Variants in IBTK observed in about 807,000 individuals in gnomAD.
The protein encoded by IBTK is BTK-binding protein.
IBTK carries 83 observed loss-of-function variants against 154.9 expected under a neutral mutation model. That is an observed-to-expected ratio of 0.54 (90% CI 0.45 to 0.64). IBTK has a LOEUF of 0.64. Among genes scored for constraint, IBTK ranks in the 30% least tolerant of loss-of-function variants. IBTK has a pLI of 0.00. For missense variants in IBTK, 1,332 were observed against 1,584.6 expected (o/e 0.84, Z 2.71); for synonymous variants, 515 against 536.1 (o/e 0.96, Z 0.54).
At chr6:82,226,251 T>TA (rs5877793) in intron 5 of IBTK, among the ~76,000 whole-genome samples, 36,233 of 152,094 alleles carry the variant, frequency 0.24, 4,376 homozygotes, top group African/African-American at 0.28. Flanking sequence ...CTTAAGGTAA[T>TA]ATTATATATG....
intron 23 of IBTK, among the ~76,000 whole-genome samples, chr6:82,192,406 C>T (rs1363572902): frequency 6.6e-6 from 1 of 152,024 alleles, no homozygotes. Context: ...TGGAGACCCA[C>T]CAGAGGAAGT....
At chr6:82,196,577 T>C (rs1347254162) in intron 21 of IBTK, 131 bp from the exon 22 acceptor site, 3 of 463,416 alleles carry the variant, frequency 6.5e-6, no homozygotes, top group African/African-American at 4.0e-5. Flanking sequence ...ATTTATGGTA[T>C]AAAAATCTTA....
intron 26 of IBTK, among the ~76,000 whole-genome samples, chr6:82,176,151 A>C (rs1236986898): frequency 6.6e-6 from 1 of 152,218 alleles, no homozygotes; most frequent in Non-Finnish European, 1.5e-5. Flanking sequence ...GCTTAATTAG[A>C]AAGATTTTTA....
chr6:82,176,902 C>CT (rs1293819264), intron 26 of IBTK, among the ~76,000 whole-genome samples: 1 of 152,096 alleles, frequency 6.6e-6, no homozygotes, highest in African/African-American at 2.4e-5. Context: ...CTTATTTCTT[C>CT]TTTTAAAAAT....
chr6:82,192,735 G>A (rs1369963502), intron 23 of IBTK, among the ~76,000 whole-genome samples: 9 of 133,084 alleles, frequency 6.8e-5, no homozygotes, highest in African/African-American at 1.4e-4. Context: ...CAATGAGGGC[G>A]AAACTCTGTC....
At position 82,210,952 on chromosome 6, in the gene IBTK, A is replaced by G. The variant is rs537134097; in HGVS notation, c.2413-42T>C. 2.2e-5 allele frequency: 25 copies of G among 1,147,832 alleles called. 1 individual carries two copies. Among genetic ancestry groups the G allele is most frequent in the African/African-American group, 1.8e-4 (11 of 62,224 alleles). 71.1% of individuals were successfully genotyped at this position (1,147,832 alleles called of 1,614,324 possible). On this transcript the variant is annotated intron_variant, in intron 15 of 28. Coordinates refer to ENST00000306270, the MANE Select transcript of IBTK (RefSeq NM_015525.4). ...AAAATAAAGTAAAATAATTCATTCTAAACAATAAAATATTACATTCTAATT... is the reference window on the plus strand; with the variant it reads ...AAAATAAAGTAAAATAATTCATTCTGAACAATAAAATATTACATTCTAATT...
intron 25 of IBTK, among the ~76,000 whole-genome samples, chr6:82,188,034 G>A (rs1282913607): frequency 3.3e-5 from 5 of 152,098 alleles, no homozygotes. Flanking sequence ...TTAAAAGGCT[G>A]CTCTTTAGAA....
At chr6:82,232,062 G>GT (rs11373105) in intron 3 of IBTK, among the ~76,000 whole-genome samples, 72,504 of 147,998 alleles carry the variant, frequency 0.49, 17,956 homozygotes, top group East Asian at 0.74. Flanking sequence ...TTTTGTTGTT[G>GT]TTTTTTTTTA....
chr6:82,217,604 T>C (rs1769919192), intron 10 of IBTK, among the ~76,000 whole-genome samples: 1 of 152,182 alleles, frequency 6.6e-6, no homozygotes, highest in South Asian at 2.1e-4. Context: ...TTTACAAAAG[T>C]CATTTATCTG....
rs557888336 is a variant in IBTK at position 82,195,261 on chromosome 6, C to T, written c.3175-619G>A. Among the ~76,000 whole-genome samples, 7 of 152,076 alleles carry T rather than the reference C, an allele frequency of 4.6e-5. No individual in the cohort carries two copies. The South Asian group carries it at 1.5e-3, about 32-fold the overall frequency. ...AGTGTGAATATAAATTGCCCCCAAA[C>T]TTCTATCCTATATTTTAAAAAAAAT... On this transcript the variant is annotated intron_variant, in intron 22 of 28. Coordinates refer to ENST00000306270, the MANE Select transcript of IBTK (RefSeq NM_015525.4).
chr6:82,182,388 A>G (rs954826455), intron 25 of IBTK, among the ~76,000 whole-genome samples: 17 of 152,036 alleles, frequency 1.1e-4, no homozygotes, highest in African/African-American at 4.1e-4. Flanking sequence ...AATTTTTAAT[A>G]TATTTTTAAA....
chr6:82,219,508 G>A (rs1770011690), intron 9 of IBTK, among the ~76,000 whole-genome samples: 1 of 151,848 alleles, frequency 6.6e-6, no homozygotes, highest in Non-Finnish European at 1.5e-5. Flanking sequence ...TATCATTAGT[G>A]TATGATATAT....
intron 28 of IBTK, 58 bp downstream of exon 28, chr6:82,172,322 A>G: frequency 6.5e-7 from 1 of 1,531,846 alleles, no homozygotes; most frequent in South Asian, 1.2e-5. Context: ...TTTTCTTAAA[A>G]CCTAAGTAGG....
chr6:82,201,397 G>T, intron 19 of IBTK, 25 bp downstream of exon 19: 2 of 1,569,316 alleles, frequency 1.3e-6, no homozygotes, highest in Non-Finnish European at 1.7e-6. Context: ...TTATAGCCGC[G>T]AAAATCTTAA....
chr6:82,224,233 A>C, intron 6 of IBTK, 48 bp from the exon 7 acceptor site: 1 of 1,322,370 alleles, frequency 7.6e-7, no homozygotes, highest in South Asian at 1.2e-5. Flanking sequence ...TTTATGACCT[A>C]GTACAATTTT....
intron 16 of IBTK, among the ~76,000 whole-genome samples, chr6:82,206,256 G>A (rs1460737890): frequency 2.0e-5 from 3 of 152,154 alleles, no homozygotes; most frequent in Admixed American, 6.5e-5. Context: ...ACAGGAGACA[G>A]AACAGTTGTA....
intron 4 of IBTK, 85 bp downstream of exon 4, chr6:82,231,633 A>G (rs1388588288): frequency 2.0e-6 from 2 of 1,006,672 alleles, no homozygotes; most frequent in Non-Finnish European, 1.4e-6. Context: ...AAACAAAGTT[A>G]TGTAATCCAC....
At chr6:82,180,427 A>ATTCCT (rs1268648773) in intron 26 of IBTK, among the ~76,000 whole-genome samples, 1 of 151,814 alleles carries the variant, frequency 6.6e-6, no homozygotes, top group Non-Finnish European at 1.5e-5. Context: ...TTTTCTTGCT[A>ATTCCT]TTTTTTGTAG....
At chr6:82,176,833 T>C (rs1455690670) in intron 26 of IBTK, among the ~76,000 whole-genome samples, 1 of 152,078 alleles carries the variant, frequency 6.6e-6, no homozygotes, top group Non-Finnish European at 1.5e-5. Context: ...CAAAGGACCA[T>C]AAGCATTCCT....
Sources: allele counts gnomAD v4.1 joint callset (sites outside exome capture counted in the v4.1 genomes callset), GRCh38; gene constraint gnomAD v4.1.1; transcripts MANE v1.5; gene names NCBI Gene and HGNC (gene_info 2026-07-23, HGNC 2026-07-21).